Variants in EBF2 observed in about 807,000 individuals in gnomAD.
EBF2 encodes transcription factor COE2.
In EBF2, 21 loss-of-function variants were observed where a neutral mutation model predicts 72.8. That is an observed-to-expected ratio of 0.29 (90% CI 0.20 to 0.42). The LOEUF is 0.42. Among genes scored for constraint, EBF2 ranks in the 10% least tolerant of loss-of-function variants. The pLI is 1.00. For missense variants in EBF2, 637 were observed against 731.2 expected (o/e 0.87, Z 1.49); for synonymous variants, 299 against 274.2 (o/e 1.09, Z -0.89).
intron 13 of EBF2, 99 bp from the exon 14 acceptor site, chr8:25,858,603 T>A: frequency 8.5e-7 from 1 of 1,172,982 alleles, no homozygotes; most frequent in East Asian, 2.6e-5. Flanking sequence ...CTGCAGAATG[T>A]CACCAGCTGC....
intron 6 of EBF2, among the ~76,000 whole-genome samples, chr8:25,927,336 G>T: frequency 7.1e-6 from 1 of 140,262 alleles, no homozygotes; most frequent in Non-Finnish European, 1.5e-5. Context: ...TATATATCTA[G>T]ATATCATATA....
chr8:25,924,980 C>A (rs901171), intron 6 of EBF2, among the ~76,000 whole-genome samples: 78,560 of 151,916 alleles, frequency 0.52, 23,408 homozygotes, highest in East Asian at 0.74. Flanking sequence ...AGCCTTTTCC[C>A]AGACCTGTTT....
chr8:25,969,844 A>G (rs908422354), intron 6 of EBF2, among the ~76,000 whole-genome samples: 1 of 152,144 alleles, frequency 6.6e-6, no homozygotes, highest in African/African-American at 2.4e-5. Context: ...AACTGAGACT[A>G]CAGGCACATG....
intron 15 of EBF2, among the ~76,000 whole-genome samples, chr8:25,846,801 G>A (rs1390809261): frequency 6.6e-6 from 1 of 152,186 alleles, no homozygotes; most frequent in East Asian, 1.9e-4. Flanking sequence ...TGACAGAAAA[G>A]AACAGATTTG....
chr8:26,016,007 A>T (rs1250709514), intron 6 of EBF2, among the ~76,000 whole-genome samples: 4 of 152,220 alleles, frequency 2.6e-5, no homozygotes, highest in African/African-American at 7.2e-5. Flanking sequence ...CATCACCTCA[A>T]ATAACCTAGA....
intron 6 of EBF2, among the ~76,000 whole-genome samples, chr8:25,929,396 G>A (rs573416354): frequency 5.3e-5 from 8 of 152,288 alleles, no homozygotes; most frequent in African/African-American, 1.9e-4. Context: ...AAAACATTTT[G>A]TCAGGGTCTA....
At chr8:25,920,667 G>A (rs1448439135) in intron 6 of EBF2, among the ~76,000 whole-genome samples, 1 of 151,946 alleles carries the variant, frequency 6.6e-6, no homozygotes, top group African/African-American at 2.4e-5. Flanking sequence ...GCAATAAGGT[G>A]TAAAGCAGTT....
At chr8:25,924,219 G>C (rs1475379193) in intron 6 of EBF2, among the ~76,000 whole-genome samples, 1 of 152,176 alleles carries the variant, frequency 6.6e-6, no homozygotes, top group East Asian at 1.9e-4. Flanking sequence ...GAGATGCTGG[G>C]AGAATTACTT....
intron 6 of EBF2, among the ~76,000 whole-genome samples, chr8:25,914,484 C>A (rs527517401): frequency 1.3e-5 from 2 of 152,150 alleles, no homozygotes; most frequent in Non-Finnish European, 2.9e-5. Flanking sequence ...GGCCCTGAAG[C>A]TTTTAAGATC....
chr8:25,917,785 C>G (rs1803249382), intron 6 of EBF2, among the ~76,000 whole-genome samples: 1 of 152,102 alleles, frequency 6.6e-6, no homozygotes, highest in Non-Finnish European at 1.5e-5. Flanking sequence ...CTCTGCCCTC[C>G]CGGCAGAGCT....
intron 14 of EBF2, among the ~76,000 whole-genome samples, chr8:25,852,057 AG>A (rs1161728923): frequency 6.6e-6 from 1 of 152,210 alleles, no homozygotes; most frequent in African/African-American, 2.4e-5. Flanking sequence ...TTATCCTTAA[AG>A]TAGTCTTGAT....
At chr8:25,971,918 G>A (rs961712909) in intron 6 of EBF2, among the ~76,000 whole-genome samples, 1 of 152,258 alleles carries the variant, frequency 6.6e-6, no homozygotes, top group South Asian at 2.1e-4. Context: ...GGGCTGCAAG[G>A]CTGGGCGCCT....
At chr8:25,895,300 T>A (rs1802849417) in intron 7 of EBF2, among the ~76,000 whole-genome samples, 1 of 152,074 alleles carries the variant, frequency 6.6e-6, no homozygotes, top group South Asian at 2.1e-4. Context: ...CAGGATCAAT[T>A]GAAATTGCTT....
intron 6 of EBF2, among the ~76,000 whole-genome samples, chr8:25,927,319 A>T (rs979981319): frequency 4.0e-5 from 6 of 149,546 alleles, no homozygotes; most frequent in Non-Finnish European, 7.4e-5. Context: ...TCTAGATATC[A>T]TGTATTTATA....
chr8:26,015,303 G>A (rs1301463693), intron 6 of EBF2, among the ~76,000 whole-genome samples: 4 of 152,176 alleles, frequency 2.6e-5, no homozygotes, highest in East Asian at 1.9e-4. Flanking sequence ...TGTGTCTTAC[G>A]AGTTCATAGA....
At chr8:25,961,370 G>A (rs1382011555) in intron 6 of EBF2, among the ~76,000 whole-genome samples, 2 of 152,042 alleles carry the variant, frequency 1.3e-5, no homozygotes, top group East Asian at 3.9e-4. Context: ...GAGGTTTTTT[G>A]TTTTTTGTTT....
intron 15 of EBF2, among the ~76,000 whole-genome samples, chr8:25,849,647 T>TTGC (rs1424251031): frequency 8.3e-6 from 1 of 119,938 alleles, no homozygotes; most frequent in Non-Finnish European, 1.6e-5. Context: ...ATGTGCTCTT[T>TTGC]TGCTGTCTGC....
Position 26,044,997 on chromosome 8 carries a change from GA to G in EBF2, c.-139del, listed in dbSNP as rs398067694. 24,132 of 621,544 alleles carry G rather than the reference GA, an allele frequency of 0.039. 1 individual carries two copies. Among genetic ancestry groups the G allele is most frequent in the South Asian group, 0.062 (2,070 of 33,366 alleles). 38.5% of individuals were successfully genotyped at this position (621,544 alleles called of 1,614,324 possible). A position where few individuals can be genotyped will look rare whatever the true frequency, so the allele number is the denominator to read the frequency against. On this transcript the variant is annotated 5_prime_UTR_variant, in exon 1 of 16. Transcript: ENST00000520164. The surrounding 1 kb of genome is among the most constrained non-coding windows in gnomAD (Gnocchi z 4.1). ...ATCAAGTGCCCAAGTTTGAGTCTTAGAAAAAAAAAAAAGATAACCCGTCCTT... is the reference window on the plus strand; with the variant it reads ...ATCAAGTGCCCAAGTTTGAGTCTTAGAAAAAAAAAAAGATAACCCGTCCTT...
At chr8:25,932,769 G>A (rs2117147458) in intron 6 of EBF2, among the ~76,000 whole-genome samples, 1 of 152,292 alleles carries the variant, frequency 6.6e-6, no homozygotes, top group South Asian at 2.1e-4. Context: ...TTAGCAAAAT[G>A]AGAGTACTGA....
Sources: gnomAD v4.1 joint callset for allele counts (sites outside exome capture counted in the v4.1 genomes callset) on GRCh38, gnomAD v4.1.1 for gene constraint, Gnocchi (gnomAD v3.1) non-coding constraint, MANE v1.5 for transcripts, NCBI Gene and HGNC (gene_info 2026-07-23, HGNC 2026-07-21) for gene names.